Variants in NR1I2 observed in about 807,000 individuals in gnomAD.
The protein encoded by NR1I2 is nuclear receptor subfamily 1 group I member 2, also known as orphan nuclear receptor PAR1.
NR1I2 carries 42 observed loss-of-function variants against 43.3 expected under a neutral mutation model. That is an observed-to-expected ratio of 0.97 (90% CI 0.76 to 1.26). The LOEUF (loss-of-function observed/expected upper bound fraction) is 1.26, where lower values mean the gene tolerates loss of function less well. NR1I2 is among the 50% of genes most tolerant of loss of function. The probability of loss-of-function intolerance (pLI) is 0.00; values close to 1 mark genes in which losing one functional copy is unlikely to be tolerated. For synonymous variants in NR1I2, 229 were observed against 215.0 expected, an observed-to-expected ratio of 1.06 and a Z score of -0.57; for missense variants, 559 against 566.7, an observed-to-expected ratio of 0.99 and a Z score of 0.14.
intron 1 of NR1I2, among the ~76,000 whole-genome samples, chr3:119,789,989 A>G (rs1304788115): frequency 6.6e-6 from 1 of 152,162 alleles, no homozygotes; most frequent in Non-Finnish European, 1.5e-5. Flanking sequence ...CTAAGTGTAT[A>G]GCTCAATAAT....
chr3:119,818,111 A>C lies in NR1I2; in HGVS notation c.*899A>C. On this transcript the variant is annotated 3_prime_UTR_variant, in exon 9 of 9. Transcript: ENST00000393716. ...TGAGTCTGTAGGAGCAAGGGCACAA[A>C]CTGCAGCTGTGAGTGCGTGTGTGTG... The C allele has an allele frequency of 1.0e-6, 1 of 985,582 alleles. No homozygotes were observed. The highest frequency in any genetic ancestry group is 1.2e-6 in the Non-Finnish European group (1 of 829,986). 61.1% of individuals were successfully genotyped at this position (985,582 alleles called of 1,614,324 possible). A position where few individuals can be genotyped will look rare whatever the true frequency, so the allele number is the denominator to read the frequency against.
chr3:119,803,455 T>C (rs569015132), intron 1 of NR1I2, among the ~76,000 whole-genome samples: 12 of 152,052 alleles, frequency 7.9e-5, no homozygotes, highest in Admixed American at 2.0e-4. Flanking sequence ...GTGCCATAGA[T>C]GACAGGAAGC....
intron 5 of NR1I2, 97 bp from the exon 6 acceptor site, chr3:119,814,882 T>A: frequency 6.6e-7 from 1 of 1,504,824 alleles, no homozygotes; most frequent in Non-Finnish European, 9.1e-7. Flanking sequence ...TCCCTCTTCC[T>A]CTCGCCCCCA....
rs75190508 is a variant in NR1I2, at chr3:119,783,946, T to C, written c.-23+1646T>C. On this transcript the variant is annotated intron_variant, in intron 1 of 8. Coordinates refer to ENST00000393716, the MANE Select transcript of NR1I2 (RefSeq NM_003889.4). ...TTAACTGCTACGTCATATTTCACAG[T>C]GTACACTTCTTTTATTTAGCCGTTT... Among the ~76,000 whole-genome samples the C allele has an allele frequency of 8.8e-3, 1,340 of 152,346 alleles. 2 individuals are homozygous for C. Among genetic ancestry groups the C allele is most frequent in the Non-Finnish European group, 0.013 (904 of 68,036 alleles).
Position 119,815,006 on chromosome 3 carries a change from C to A in NR1I2, c.822C>A (p.Ser274=). The stretch of plus-strand genomic sequence containing the variant: ...ACTTGCCCATCGAGGACCAGATCTC[C>A]CTGCTGAAGGGGGCCGCTTTCGAGC... Residue 274 remains serine (S), a synonymous_variant, in exon 6 of 9, where the codon TCC becomes TCA. Transcript: ENST00000393716. 6.2e-7 allele frequency: 1 copy of A among 1,614,182 alleles called. No individual in the cohort carries two copies.
At position 119,783,105 on chromosome 3, in the gene NR1I2, T is replaced by C. The variant is rs564987691; in HGVS notation, c.-23+805T>C. 3.3e-5 allele frequency among the ~76,000 whole-genome samples: 5 copies of C among 151,774 alleles called. No homozygotes were observed. In the East Asian group the frequency reaches 9.8e-4, roughly 30 times the overall value. ...TATTCCTCTCCCACATGGCCTCTAATGATATGGTCAGAGTTGAAAGGATGC... is the reference window on the plus strand; with the variant it reads ...TATTCCTCTCCCACATGGCCTCTAACGATATGGTCAGAGTTGAAAGGATGC... On this transcript the variant is annotated intron_variant, in intron 1 of 8. Transcript: ENST00000393716.
At chr3:119,815,169 A>T (rs2055305879) in intron 6 of NR1I2, 48 bp downstream of exon 6, 1 of 1,613,104 alleles carries the variant, frequency 6.2e-7, no homozygotes, top group Admixed American at 1.7e-5. Flanking sequence ...GAAACACTGC[A>T]GTTATGGGAG....
intron 1 of NR1I2, among the ~76,000 whole-genome samples, chr3:119,787,433 T>A (rs1449885040): frequency 6.6e-6 from 1 of 152,182 alleles, no homozygotes; most frequent in Non-Finnish European, 1.5e-5. Context: ...CTGCCCTGCC[T>A]TCCTCACAGG....
intron 1 of NR1I2, among the ~76,000 whole-genome samples, chr3:119,790,251 T>C (rs372098579): frequency 6.6e-6 from 1 of 152,188 alleles, no homozygotes; most frequent in East Asian, 1.9e-4. Context: ...TCCTTTTTTT[T>C]AAGGCTGACT....
intron 1 of NR1I2, chr3:119,792,299 C>G: frequency 6.8e-7 from 1 of 1,467,358 alleles, no homozygotes; most frequent in Admixed American, 1.8e-5. Context: ...GAGCAGCCAC[C>G]TTTGGGCTCA....
At chr3:119,807,781 A>G (rs2055182357) in intron 2 of NR1I2, among the ~76,000 whole-genome samples, 1 of 152,244 alleles carries the variant, frequency 6.6e-6, no homozygotes, top group South Asian at 2.1e-4. Flanking sequence ...TGGTTGTTAC[A>G]TAAAGAATGG....
intron 3 of NR1I2, 180 bp downstream of exon 3, chr3:119,810,374 G>T (rs1033525472): frequency 4.2e-5 from 38 of 895,474 alleles, no homozygotes; most frequent in Non-Finnish European, 6.0e-5. Flanking sequence ...CTTGCAGTCG[G>T]CCCTCTGGGA....
intron 1 of NR1I2, among the ~76,000 whole-genome samples, chr3:119,802,475 C>T (rs1195417492): frequency 6.6e-6 from 1 of 152,158 alleles, no homozygotes. Context: ...TGGGGAAGAG[C>T]ATTTATATTT....
intron 2 of NR1I2, among the ~76,000 whole-genome samples, chr3:119,809,572 G>C (rs1459903708): frequency 6.8e-6 from 1 of 146,214 alleles, no homozygotes; most frequent in Non-Finnish European, 1.5e-5. Flanking sequence ...GGGGAAGGCG[G>C]GGGGGTGGGG....
chr3:119,782,560 C>T, intron 1 of NR1I2: 1 of 579,698 alleles, frequency 1.7e-6, no homozygotes, highest in South Asian at 2.0e-5. Context: ...CAGGAGAAGC[C>T]TTAACTACTG....
At chr3:119,807,572 T>G in intron 2 of NR1I2, 125 bp downstream of exon 2, 1 of 781,402 alleles carries the variant, frequency 1.3e-6, no homozygotes. Context: ...AAAGGCCTTG[T>G]AATTAGTCTC....
At chr3:119,802,517 A>G (rs951205947) in intron 1 of NR1I2, among the ~76,000 whole-genome samples, 15 of 152,292 alleles carry the variant, frequency 9.8e-5, no homozygotes, top group Admixed American at 8.5e-4. Flanking sequence ...ACCATCTTCA[A>G]TTGTCCAAAG....
intron 2 of NR1I2, among the ~76,000 whole-genome samples, chr3:119,808,033 G>A (rs925215143): frequency 6.6e-6 from 1 of 152,200 alleles, no homozygotes; most frequent in Non-Finnish European, 1.5e-5. Context: ...ATGGAAAAGG[G>A]CAGGTTCCAG....
At chr3:119,817,001 G>A in intron 8 of NR1I2, 67 bp from the exon 9 acceptor site, 1 of 1,605,108 alleles carries the variant, frequency 6.2e-7, no homozygotes, top group Non-Finnish European at 8.5e-7. Flanking sequence ...TGCAGCCTCA[G>A]AGCAGCCCTG....
Sources: allele counts gnomAD v4.1 joint callset (sites outside exome capture counted in the v4.1 genomes callset), GRCh38; gene constraint gnomAD v4.1.1; transcripts MANE v1.5; gene names NCBI Gene and HGNC (gene_info 2026-07-23, HGNC 2026-07-21).